Variants in UBE2D4 observed in about 807,000 individuals in gnomAD.
UBE2D4 encodes the protein ubiquitin conjugating enzyme E2 D4.
In UBE2D4, 17 loss-of-function variants were observed where a neutral mutation model predicts 23.0. That is an observed-to-expected ratio of 0.74 (90% CI 0.51 to 1.11). The LOEUF (loss-of-function observed/expected upper bound fraction) is 1.11. Among genes scored for constraint, UBE2D4 ranks in the 50% least tolerant of loss-of-function variants. UBE2D4 has a pLI of 0.00. For synonymous variants in UBE2D4, 61 were observed against 69.4 expected (o/e 0.88, Z 0.60); for missense variants, 139 against 181.8 (o/e 0.76, Z 1.35).
intron 1 of UBE2D4, among the ~76,000 whole-genome samples, chr7:43,931,551 G>C (rs1013994467): frequency 2.8e-5 from 4 of 144,288 alleles, no homozygotes; most frequent in African/African-American, 1.0e-4. Flanking sequence ...TATGGCACTA[G>C]TGTCTGCTCT....
At chr7:43,927,157 T>C (rs2095933389) in intron 1 of UBE2D4, among the ~76,000 whole-genome samples, 2 of 152,226 alleles carry the variant, frequency 1.3e-5, no homozygotes, top group Non-Finnish European at 2.9e-5. Flanking sequence ...GTATTTCTAA[T>C]TCTATCACTT....
chr7:43,952,792 C>A lies in UBE2D4; in HGVS notation c.*97C>A. On this transcript the variant is annotated 3_prime_UTR_variant, in exon 7 of 7. Transcript: ENST00000222402. ...GCTGTTGGCTGAGCCATTCAAAGAG[C>A]ATCATCTGTTCTTCAAACAAATGTT... The A allele has an allele frequency of 1.0e-6, 1 of 997,112 alleles. No homozygotes were observed. Among genetic ancestry groups the A allele is most frequent in the Non-Finnish European group, 1.6e-6 (1 of 623,804 alleles). The allele number at this position is 997,112 out of a possible 1,614,324, so 61.8% of individuals were successfully genotyped here. A position where few individuals can be genotyped will look rare whatever the true frequency, so the allele number is the denominator to read the frequency against.
At position 43,955,185 on chromosome 7, in the gene UBE2D4, A is replaced by G. The variant is rs2096010891; in HGVS notation, c.*2490A>G. 1 of 152,164 alleles carries G rather than the reference A, an allele frequency of 6.6e-6. No homozygotes were observed. The highest frequency in any genetic ancestry group is 2.1e-4 in the South Asian group (1 of 4,826). The allele number at this position is 152,164 out of a possible 1,614,324, so 9.4% of individuals were successfully genotyped here. A position where few individuals can be genotyped will look rare whatever the true frequency, so the allele number is the denominator to read the frequency against. ...GGTCAAAAACCTTGTTTTAAGAGCC[A>G]CTGTGGTACAGTCAATGTAACCCAC... On this transcript the variant is annotated 3_prime_UTR_variant, in exon 7 of 7. Coordinates refer to ENST00000222402, the MANE Select transcript of UBE2D4 (RefSeq NM_015983.4).
rs1585850118 is a variant in UBE2D4, at chr7:43,927,945, C to G, written c.24+1389C>G. 3 of 427,500 alleles carry G rather than the reference C, an allele frequency of 7.0e-6. No individual in the cohort carries two copies. In the East Asian group the frequency reaches 2.1e-4, roughly 31 times the overall value. 26.5% of individuals were successfully genotyped at this position (427,500 alleles called of 1,614,324 possible). A position where few individuals can be genotyped will look rare whatever the true frequency, so the allele number is the denominator to read the frequency against. Reference sequence around the variant, plus strand: ...CTGTGTATTAGTCTGTTTTGTGTTGCTATAAAGGAATATCTGAGGCTGGGT... The same window carrying G: ...CTGTGTATTAGTCTGTTTTGTGTTGGTATAAAGGAATATCTGAGGCTGGGT... On this transcript the variant is annotated intron_variant, in intron 1 of 6. Coordinates refer to ENST00000222402, the MANE Select transcript of UBE2D4 (RefSeq NM_015983.4).
intron 1 of UBE2D4, chr7:43,928,088 A>G (rs1222652601): frequency 1.1e-5 from 5 of 453,966 alleles, no homozygotes; most frequent in South Asian, 7.8e-5. Context: ...GCAGAAAGCA[A>G]AGGAGAAGCA....
intron 1 of UBE2D4, among the ~76,000 whole-genome samples, chr7:43,927,612 A>G (rs960500444): frequency 3.9e-5 from 6 of 152,110 alleles, no homozygotes; most frequent in Non-Finnish European, 7.4e-5. Context: ...TCCTATAACT[A>G]ATTTTTAACA....
Position 43,953,008 on chromosome 7 carries a change from C to A in UBE2D4, c.*313C>A, listed in dbSNP as rs1224579724. On this transcript the variant is annotated 3_prime_UTR_variant, in exon 7 of 7. Coordinates refer to ENST00000222402, the MANE Select transcript of UBE2D4 (RefSeq NM_015983.4). ...GTCTCTTGGGGGGCCAGGCCCTGCA[C>A]GTCTCTCCTACCCGGCCTCAAATGG... 3 of 403,304 alleles carry A rather than the reference C, an allele frequency of 7.4e-6. No individual in the cohort carries two copies. Among genetic ancestry groups the A allele is most frequent in the Non-Finnish European group, 1.5e-5 (3 of 206,602 alleles). 25.0% of individuals were successfully genotyped at this position (403,304 alleles called of 1,614,324 possible).
intron 1 of UBE2D4, among the ~76,000 whole-genome samples, chr7:43,932,984 G>GTATATATATATATATA (rs57093593): frequency 3.7e-4 from 32 of 85,810 alleles, no homozygotes; most frequent in South Asian, 1.2e-3. Flanking sequence ...AAATGTTAAA[G>GTATATATATATATATA]TATATATATA....
At chr7:43,938,692 C>T (rs1385659049) in intron 2 of UBE2D4, among the ~76,000 whole-genome samples, 198 bp downstream of exon 2, 2 of 152,124 alleles carry the variant, frequency 1.3e-5, no homozygotes, top group Non-Finnish European at 2.9e-5. Context: ...AAAAATTAGC[C>T]GGGCATGCTG....
At chr7:43,935,553 C>G (rs992010796) in intron 1 of UBE2D4, among the ~76,000 whole-genome samples, 1 of 151,758 alleles carries the variant, frequency 6.6e-6, no homozygotes, top group Non-Finnish European at 1.5e-5. Flanking sequence ...GCCCCAGAGG[C>G]CAAGGAAATT....
intron 2 of UBE2D4, among the ~76,000 whole-genome samples, chr7:43,939,842 T>C (rs1283916874): frequency 6.6e-6 from 1 of 151,990 alleles, no homozygotes; most frequent in Non-Finnish European, 1.5e-5. Flanking sequence ...AGATGAGAGA[T>C]TACCTGAGGC....
At position 43,942,584 on chromosome 7, in the gene UBE2D4, T is replaced by G. The variant is rs1022151041; in HGVS notation, c.89-242T>G. ...ACTCTGCGTTTGGACCCTCCTGATGTTAACCTATGTTGTTTCCCTGTGATA... is the reference window on the plus strand; with the variant it reads ...ACTCTGCGTTTGGACCCTCCTGATGGTAACCTATGTTGTTTCCCTGTGATA... On this transcript the variant is annotated intron_variant, in intron 2 of 6. Transcript: ENST00000222402. 6.5e-6 allele frequency: 4 copies of G among 610,854 alleles called. No homozygotes were observed. The African/African-American group carries it at 7.4e-5, about 11-fold the overall frequency. 37.8% of individuals were successfully genotyped at this position (610,854 alleles called of 1,614,324 possible). A position where few individuals can be genotyped will look rare whatever the true frequency, so the allele number is the denominator to read the frequency against.
intron 4 of UBE2D4, 153 bp downstream of exon 4, chr7:43,943,184 A>G (rs2095977402): frequency 2.7e-6 from 2 of 741,406 alleles, no homozygotes; most frequent in Non-Finnish European, 4.6e-6. Context: ...CCAGGACTTT[A>G]ATTACTGGAC....
At chr7:43,946,575 C>G (rs1004998202) in intron 4 of UBE2D4, among the ~76,000 whole-genome samples, 3 of 152,122 alleles carry the variant, frequency 2.0e-5, no homozygotes, top group Non-Finnish European at 4.4e-5. Flanking sequence ...CTTGCTTTTC[C>G]CATAGCAATA....
In UBE2D4 at chr7:43,938,472, T is replaced by G. The variant is rs774317310; in HGVS notation, c.66T>G (p.Ser22=). The change falls in exon 2 of 7, where the codon TCT becomes TCG. Residue 22 remains serine, a synonymous_variant. Transcript: ENST00000222402. ...DLQRDPPAQC[S]AGPVGDDLFH... ...AGAGGGATCCTCCTGCCCAGTGTTC[T>G]GCAGGACCTGTCGGTGATGACTGTA... 1.2e-6 allele frequency: 2 copies of G among 1,614,020 alleles called. No individual in the cohort carries two copies. The highest frequency in any genetic ancestry group is 1.7e-6 in the Non-Finnish European group (2 of 1,179,994).
At chr7:43,945,139 C>T (rs898388977) in intron 4 of UBE2D4, among the ~76,000 whole-genome samples, 1 of 152,086 alleles carries the variant, frequency 6.6e-6, no homozygotes, top group Non-Finnish European at 1.5e-5. Flanking sequence ...ATTACAGGCA[C>T]CCGCCACCAC....
chr7:43,932,792 C>CA (rs1296150234), intron 1 of UBE2D4, among the ~76,000 whole-genome samples: 1 of 148,234 alleles, frequency 6.7e-6, no homozygotes, highest in African/African-American at 2.5e-5. Context: ...AATCCTGTCT[C>CA]AAAAAAATAA....
chr7:43,952,993 GGGCCA>G lies in UBE2D4; in HGVS notation c.*303_*307del. On this transcript the variant is annotated 3_prime_UTR_variant, in exon 7 of 7. Transcript: ENST00000222402. ...TCAGTTTGTCTGCTGGTCTCTTGGG[GGGCCA>G]GGCCCTGCACGTCTCTCCTACCCGG... 2.5e-6 allele frequency: 1 copy of G among 402,998 alleles called. No individual in the cohort carries two copies. Among genetic ancestry groups the G allele is most frequent in the East Asian group, 5.9e-5 (1 of 17,028 alleles). 25.0% of individuals were successfully genotyped at this position (402,998 alleles called of 1,614,324 possible).
intron 1 of UBE2D4, among the ~76,000 whole-genome samples, chr7:43,927,592 C>A (rs573553980): frequency 1.3e-5 from 2 of 152,248 alleles, no homozygotes; most frequent in South Asian, 2.1e-4. Flanking sequence ...ACGTGAGACA[C>A]CATGCCCAGT....
Sources: allele counts gnomAD v4.1 joint callset (sites outside exome capture counted in the v4.1 genomes callset), GRCh38; gene constraint gnomAD v4.1.1; transcripts MANE v1.5; gene names NCBI Gene and HGNC (gene_info 2026-07-23, HGNC 2026-07-21).